RBM20: variants seen among roughly 807,000 people sequenced by gnomAD.
RBM20 encodes the protein RNA-binding protein 20.
In RBM20, 51 loss-of-function variants were observed where a neutral mutation model predicts 110.1. That is an observed-to-expected ratio of 0.46 (90% CI 0.37 to 0.59). The LOEUF (loss-of-function observed/expected upper bound fraction) is 0.59, where lower values mean the gene tolerates loss of function less well. Ranked by LOEUF, RBM20 falls within the 20% of genes least tolerant of loss-of-function variation. The pLI is 0.00. For synonymous variants in RBM20, 589 were observed against 618.2 expected, an observed-to-expected ratio of 0.95 and a Z score of 0.70; for missense variants, 1,512 against 1,574.9, an observed-to-expected ratio of 0.96 and a Z score of 0.68.
At chr10:110,730,471 C>T (rs1843609407) in intron 1 of RBM20, among the ~76,000 whole-genome samples, 1 of 152,186 alleles carries the variant, frequency 6.6e-6, no homozygotes, top group Admixed American at 6.5e-5. Context: ...GGCTTCAGTC[C>T]CGAGGACTCC....
At chr10:110,732,267 G>A (rs1036983191) in intron 1 of RBM20, among the ~76,000 whole-genome samples, 3 of 152,020 alleles carry the variant, frequency 2.0e-5, no homozygotes, top group Admixed American at 6.5e-5. Flanking sequence ...TCTATGGAGA[G>A]GTTGGTATTG....
chr10:110,684,174 C>T (rs1043912096), intron 1 of RBM20, among the ~76,000 whole-genome samples: 4 of 152,096 alleles, frequency 2.6e-5, no homozygotes, highest in African/African-American at 4.8e-5. Context: ...GCAGGTGGAT[C>T]GCCTGAGGTC....
chr10:110,807,435 T>A (rs777829671), intron 7 of RBM20, among the ~76,000 whole-genome samples: 6 of 152,194 alleles, frequency 3.9e-5, no homozygotes, highest in Non-Finnish European at 8.8e-5. Flanking sequence ...TAGAGGATGT[T>A]TTCATCTGCA....
chr10:110,766,854 C>T (rs1250861481), intron 1 of RBM20, among the ~76,000 whole-genome samples: 205 of 150,266 alleles, frequency 1.4e-3, no homozygotes, highest in African/African-American at 4.5e-3. Flanking sequence ...ACCTCCCAGA[C>T]GGGGTGGTGG....
chr10:110,700,600 G>A (rs535209322), intron 1 of RBM20, among the ~76,000 whole-genome samples: 4 of 152,242 alleles, frequency 2.6e-5, no homozygotes, highest in East Asian at 3.9e-4. Flanking sequence ...ACCTTGCCAC[G>A]TTCCATGATG....
chr10:110,759,103 C>T (rs1035101229), intron 1 of RBM20, among the ~76,000 whole-genome samples: 2 of 152,254 alleles, frequency 1.3e-5, no homozygotes, highest in African/African-American at 2.4e-5. Context: ...GACTGGTTTC[C>T]TCTGCTAATG....
At chr10:110,680,292 G>T (rs72834040) in intron 1 of RBM20, among the ~76,000 whole-genome samples, 11,685 of 152,186 alleles carry the variant, frequency 0.077, 637 homozygotes, top group Non-Finnish European at 0.11. Context: ...TTTTCAGAGT[G>T]GGGAGGGGTG....
intron 4 of RBM20, 90 bp from the exon 5 acceptor site, chr10:110,784,702 G>T (rs1364832726): frequency 1.2e-6 from 1 of 862,852 alleles, no homozygotes; most frequent in Non-Finnish European, 1.9e-6. Flanking sequence ...AAGGGGAAAG[G>T]TTCAGTTTTC....
At chr10:110,801,894 A>G (rs765971540) in intron 7 of RBM20, among the ~76,000 whole-genome samples, 1 of 151,988 alleles carries the variant, frequency 6.6e-6, no homozygotes, top group East Asian at 1.9e-4. Context: ...ATGGAGATTG[A>G]GCACTTTTTC....
chr10:110,667,441 G>C lies in RBM20; in HGVS notation c.191+22796G>C, dbSNP rs1862194776. On this transcript the variant is annotated intron_variant, in intron 1 of 13. Coordinates refer to ENST00000369519, the MANE Select transcript of RBM20 (RefSeq NM_001134363.3). ...TGGCTCCATTTTATTTTGTCATGTGGCTTGATGGGCATGGACAGTGGGGAA... is the reference window on the plus strand; with the variant it reads ...TGGCTCCATTTTATTTTGTCATGTGCCTTGATGGGCATGGACAGTGGGGAA... Among the ~76,000 whole-genome samples, 3 of 152,136 alleles carry C rather than the reference G, an allele frequency of 2.0e-5. 1 individual carries two copies. Among genetic ancestry groups the C allele is most frequent in the Admixed American group, 1.3e-4 (2 of 15,278 alleles).
chr10:110,691,457 T>G (rs999189777), intron 1 of RBM20, among the ~76,000 whole-genome samples: 1 of 152,214 alleles, frequency 6.6e-6, no homozygotes, highest in Non-Finnish European at 1.5e-5. Context: ...TTGTTTGTTT[T>G]TATTATGGCC....
At position 110,760,165 on chromosome 10, in the gene RBM20, A is replaced by G. The variant is rs151325930; in HGVS notation, c.192-20636A>G. On this transcript the variant is annotated intron_variant, in intron 1 of 13. Transcript: ENST00000369519. ...CTGGCGTGTTCCATCCCCTTTTGCA[A>G]AGAACCTTCCCAGAACATAAGTGTG... Among the ~76,000 whole-genome samples the G allele has an allele frequency of 5.9e-3, 906 of 152,322 alleles. 6 individuals carry two copies. The highest frequency in any genetic ancestry group is 0.021 in the African/African-American group (864 of 41,558).
chr10:110,654,540 G>T (rs987958379), intron 1 of RBM20, among the ~76,000 whole-genome samples: 1 of 152,010 alleles, frequency 6.6e-6, no homozygotes. Flanking sequence ...TTTTAACTCT[G>T]TTTTCAAAAT....
intron 1 of RBM20, among the ~76,000 whole-genome samples, chr10:110,772,328 A>G (rs976442293): frequency 2.6e-4 from 39 of 152,234 alleles, no homozygotes; most frequent in African/African-American, 8.7e-4. Flanking sequence ...GCCTAACAGA[A>G]CAAGGTTAGA....
chr10:110,671,009 G>A (rs1862249571), intron 1 of RBM20, among the ~76,000 whole-genome samples: 2 of 152,168 alleles, frequency 1.3e-5, no homozygotes, highest in Non-Finnish European at 1.5e-5. Context: ...TTTCATGATG[G>A]CATTGGCGCT....
chr10:110,771,837 G>A (rs1023850115), intron 1 of RBM20, among the ~76,000 whole-genome samples: 1 of 152,222 alleles, frequency 6.6e-6, no homozygotes, highest in African/African-American at 2.4e-5. Flanking sequence ...ACTGGGCCAG[G>A]ATTGATCTAT....
chr10:110,753,847 C>G lies in RBM20; in HGVS notation c.192-26954C>G, dbSNP rs78222628. Among the ~76,000 whole-genome samples, 1,172 of 152,304 alleles carry G rather than the reference C, an allele frequency of 7.7e-3. 13 individuals carry two copies. Among genetic ancestry groups the G allele is most frequent in the East Asian group, 0.051 (263 of 5,186 alleles). On this transcript the variant is annotated intron_variant, in intron 1 of 13. Transcript: ENST00000369519. ...CCTTGCATTGCTTGATTCATGGCCC[C>G]CTTCTCCATCCTCAAAGACAGCAGC...
chr10:110,718,574 T>C (rs1161019163), intron 1 of RBM20, among the ~76,000 whole-genome samples: 1 of 149,262 alleles, frequency 6.7e-6, no homozygotes, highest in Non-Finnish European at 1.5e-5. Context: ...TTTTTTGAGA[T>C]CTTTGATGTT....
At chr10:110,700,131 G>T (rs1012947673) in intron 1 of RBM20, among the ~76,000 whole-genome samples, 1 of 152,110 alleles carries the variant, frequency 6.6e-6, no homozygotes, top group Admixed American at 6.6e-5. Context: ...TTTGGAAAGC[G>T]AAACTGTGGG....
Sources: gnomAD v4.1 joint callset for allele counts (sites outside exome capture counted in the v4.1 genomes callset) on GRCh38, gnomAD v4.1.1 for gene constraint, MANE v1.5 for transcripts, NCBI Gene and HGNC (gene_info 2026-07-23, HGNC 2026-07-21) for gene names.